Variants in MYOZ2 observed in about 807,000 individuals in gnomAD.
MYOZ2 encodes myozenin 2, also known as myozenin-2.
In MYOZ2, 19 loss-of-function variants were observed where a neutral mutation model predicts 25.4. The observed-to-expected ratio is 0.75, with a 90% CI of 0.52 to 1.10. The LOEUF (loss-of-function observed/expected upper bound fraction) is 1.10. Ranked by LOEUF, MYOZ2 falls within the 50% of genes least tolerant of loss-of-function variation. The pLI is 0.00. For missense variants in MYOZ2, 270 were observed against 317.9 expected, an observed-to-expected ratio of 0.85 and a Z score of 1.15; for synonymous variants, 92 against 106.9, an observed-to-expected ratio of 0.86 and a Z score of 0.86.
intron 5 of MYOZ2, among the ~76,000 whole-genome samples, chr4:119,175,151 A>G (rs1190204388): frequency 1.3e-5 from 2 of 152,012 alleles, no homozygotes; most frequent in Non-Finnish European, 1.5e-5. Context: ...TTCCCGACAC[A>G]GTAGGAGATG....
chr4:119,144,800 C>T (rs766165917), intron 2 of MYOZ2, among the ~76,000 whole-genome samples: 28 of 151,994 alleles, frequency 1.8e-4, no homozygotes, highest in Admixed American at 8.5e-4. Flanking sequence ...GGATTGTTTG[C>T]TTTTTTAATA....
chr4:119,166,421 G>A (rs145392166), intron 5 of MYOZ2, among the ~76,000 whole-genome samples: 14 of 151,752 alleles, frequency 9.2e-5, no homozygotes, highest in African/African-American at 3.1e-4. Flanking sequence ...CGAGAGGGTC[G>A]CTTGAGCCCA....
At chr4:119,142,631 G>A (rs1042476756) in intron 2 of MYOZ2, among the ~76,000 whole-genome samples, 1 of 152,204 alleles carries the variant, frequency 6.6e-6, no homozygotes, top group Non-Finnish European at 1.5e-5. Context: ...CATTCCTGGG[G>A]ACTGTGAAGT....
chr4:119,147,507 G>A lies in MYOZ2; in HGVS notation c.77-3365G>A, dbSNP rs563544977. ...TGTAATCCCAGCACTTTGGGAGACC[G>A]AGGTGGGCGGATCACTTGAGGTCAG... is the stretch of plus-strand genomic sequence containing the variant. On this transcript the variant is annotated intron_variant, in intron 2 of 5. Transcript: ENST00000307128. 5.2e-4 allele frequency among the ~76,000 whole-genome samples: 79 copies of A among 152,092 alleles called. 1 individual carries two copies. The South Asian group carries it at 0.014, about 27-fold the overall frequency.
intron 4 of MYOZ2, among the ~76,000 whole-genome samples, chr4:119,160,228 A>C (rs1000419182): frequency 2.0e-5 from 3 of 152,140 alleles, no homozygotes; most frequent in African/African-American, 7.2e-5. Context: ...TTCTTTCCCC[A>C]TCCACCTTTA....
chr4:119,162,501 C>T (rs906938440), intron 4 of MYOZ2, among the ~76,000 whole-genome samples: 3 of 152,128 alleles, frequency 2.0e-5, no homozygotes, highest in African/African-American at 7.2e-5. Flanking sequence ...CTGGACCTGA[C>T]CCAGGGCAGG....
intron 5 of MYOZ2, among the ~76,000 whole-genome samples, chr4:119,165,692 A>T (rs1049305613): frequency 3.3e-5 from 5 of 151,348 alleles, no homozygotes; most frequent in African/African-American, 1.2e-4. Flanking sequence ...CAATGTTATA[A>T]TTTTTTTTTC....
rs781433911 is a variant in MYOZ2, at chr4:119,185,942, T to TG, written c.561-23dup. On this transcript the variant is annotated intron_variant, in intron 5 of 5. Coordinates refer to ENST00000307128, the MANE Select transcript of MYOZ2 (RefSeq NM_016599.5). ...ACAAATTTGAATATTAATTGAGATC[T>TG]GTTTTTTTTTTAATTTCCCACAGGG... 17 of 1,396,170 alleles carry TG rather than the reference T, an allele frequency of 1.2e-5. No individual in the cohort carries two copies. The East Asian group carries it at 3.2e-4, about 26-fold the overall frequency. 86.5% of individuals were successfully genotyped at this position (1,396,170 alleles called of 1,614,324 possible).
At chr4:119,144,203 A>G (rs1445050124) in intron 2 of MYOZ2, among the ~76,000 whole-genome samples, 1 of 152,204 alleles carries the variant, frequency 6.6e-6, no homozygotes, top group Non-Finnish European at 1.5e-5. Context: ...AATGATATAC[A>G]AATGGAATCA....
chr4:119,156,687 A>C (rs1274187177), intron 3 of MYOZ2, among the ~76,000 whole-genome samples: 1 of 152,196 alleles, frequency 6.6e-6, no homozygotes, highest in African/African-American at 2.4e-5. Context: ...TTAGTATATC[A>C]TCAGACTATC....
intron 5 of MYOZ2, among the ~76,000 whole-genome samples, chr4:119,169,669 C>T (rs1204023428): frequency 6.6e-6 from 1 of 152,112 alleles, no homozygotes; most frequent in Non-Finnish European, 1.5e-5. Flanking sequence ...CTGAGTAAAC[C>T]TTTTGGCAGC....
At chr4:119,158,565 T>A (rs1279620732) in intron 4 of MYOZ2, among the ~76,000 whole-genome samples, 9 of 151,936 alleles carry the variant, frequency 5.9e-5, no homozygotes, top group Admixed American at 5.2e-4. Flanking sequence ...CAAAAAAAAG[T>A]TTCTTTTTTG....
At chr4:119,175,327 T>C (rs1465348190) in intron 5 of MYOZ2, among the ~76,000 whole-genome samples, 1 of 152,212 alleles carries the variant, frequency 6.6e-6, no homozygotes, top group Non-Finnish European at 1.5e-5. Flanking sequence ...TGTGTCTTCT[T>C]TGATGTAATT....
At position 119,187,449 on chromosome 4, in the gene MYOZ2, T is replaced by C. The variant is rs1742318028; in HGVS notation, c.*1249T>C. 1 of 151,996 alleles carries C rather than the reference T, an allele frequency of 6.6e-6. No homozygotes were observed. The highest frequency in any genetic ancestry group is 1.5e-5 in the Non-Finnish European group (1 of 67,966). The allele number at this position is 151,996 out of a possible 1,614,324, so 9.4% of individuals were successfully genotyped here. On this transcript the variant is annotated 3_prime_UTR_variant, in exon 6 of 6. Transcript: ENST00000307128. Reference sequence around the variant, plus strand: ...AAATACCAAGTTGCAACATTACATGTTTACAAAAAAAAATCTGTGTTTGTA... The same window carrying C: ...AAATACCAAGTTGCAACATTACATGCTTACAAAAAAAAATCTGTGTTTGTA...
rs370361313 is a variant in MYOZ2, at chr4:119,164,171, G to C, written c.377-40G>C. 1.9e-6 allele frequency: 3 copies of C among 1,578,086 alleles called. No individual in the cohort carries two copies. In the African/African-American group the frequency reaches 4.1e-5, roughly 21 times the overall value. On this transcript the variant is annotated intron_variant, in intron 4 of 5. Coordinates refer to ENST00000307128, the MANE Select transcript of MYOZ2 (RefSeq NM_016599.5). The stretch of plus-strand genomic sequence containing the variant: ...TGTTAGGTGGAGGTTAGTAACTCTC[G>C]GGCACAGTATTTACTTACTTTTGCT...
chr4:119,182,102 A>T (rs1742194361), intron 5 of MYOZ2, among the ~76,000 whole-genome samples: 1 of 152,234 alleles, frequency 6.6e-6, no homozygotes, highest in Admixed American at 6.5e-5. Context: ...TTAAAAGAGG[A>T]AAGTGTCAAA....
At chr4:119,142,070 C>T (rs1741168194) in intron 2 of MYOZ2, among the ~76,000 whole-genome samples, 1 of 152,084 alleles carries the variant, frequency 6.6e-6, no homozygotes, top group African/African-American at 2.4e-5. Flanking sequence ...GATGGATGTG[C>T]CCATTAGTAT....
At chr4:119,182,506 G>A (rs1018129048) in intron 5 of MYOZ2, among the ~76,000 whole-genome samples, 7 of 151,904 alleles carry the variant, frequency 4.6e-5, no homozygotes, top group African/African-American at 7.3e-5. Context: ...GACCAGTTTC[G>A]TGGAAGACAA....
chr4:119,159,087 A>G (rs1294109354), intron 4 of MYOZ2, among the ~76,000 whole-genome samples: 2 of 152,142 alleles, frequency 1.3e-5, no homozygotes. Flanking sequence ...ATATACACCT[A>G]TTATGTACCC....
Sources: allele counts gnomAD v4.1 joint callset (sites outside exome capture counted in the v4.1 genomes callset), GRCh38; gene constraint gnomAD v4.1.1; transcripts MANE v1.5; gene names NCBI Gene and HGNC (gene_info 2026-07-23, HGNC 2026-07-21).